JPH1: variants seen among roughly 807,000 people sequenced by gnomAD.
JPH1 encodes the protein junctophilin-1.
A neutral mutation model predicts 53.6 loss-of-function variants in JPH1; 12 were observed. The ratio of observed to expected loss-of-function variants is 0.22; its 90% CI spans 0.14 to 0.36. The LOEUF (loss-of-function observed/expected upper bound fraction) is 0.36, where lower values mean the gene tolerates loss of function less well. Ranked by LOEUF, JPH1 falls within the 10% of genes least tolerant of loss-of-function variation. The pLI, the probability that JPH1 is intolerant of heterozygous loss-of-function variation, is 1.00. For missense variants in JPH1, 808 were observed against 905.5 expected, an observed-to-expected ratio of 0.89 and a Z score of 1.38; for synonymous variants, 375 against 363.8, an observed-to-expected ratio of 1.03 and a Z score of -0.35.
chr8:74,283,571 C>G (rs1807074509), intron 2 of JPH1, among the ~76,000 whole-genome samples: 1 of 152,154 alleles, frequency 6.6e-6, no homozygotes, highest in Non-Finnish European at 1.5e-5. Flanking sequence ...TACAGGTAGG[C>G]AGAGGATGAA....
At chr8:74,275,002 C>T (rs1432480163) in intron 2 of JPH1, among the ~76,000 whole-genome samples, 1 of 152,116 alleles carries the variant, frequency 6.6e-6, no homozygotes, top group African/African-American at 2.4e-5. Context: ...CCTGCCTGGG[C>T]TATGAGAATT....
intron 4 of JPH1, among the ~76,000 whole-genome samples, chr8:74,239,876 C>A (rs1002274637): frequency 2.0e-5 from 3 of 152,118 alleles, no homozygotes; most frequent in African/African-American, 7.2e-5. Context: ...TATTTTGATA[C>A]CAGCATAGAA....
intron 2 of JPH1, among the ~76,000 whole-genome samples, chr8:74,289,512 GC>G (rs1807261263): frequency 6.6e-6 from 1 of 152,104 alleles, no homozygotes. Context: ...TGCTGCTGGT[GC>G]CCCCAGCACC....
chr8:74,315,639 A>C lies in JPH1; in HGVS notation c.380-19T>G. 1.3e-6 allele frequency: 2 copies of C among 1,574,604 alleles called. No individual in the cohort carries two copies. The highest frequency in any genetic ancestry group is 4.5e-5 in the East Asian group (2 of 44,304). Reference sequence around the variant, plus strand: ...TAGGTACCTTGGAGAGACCGCAAGAAAGCACCGTGAGTCGGGGGCAGAGCT... The same window carrying C: ...TAGGTACCTTGGAGAGACCGCAAGACAGCACCGTGAGTCGGGGGCAGAGCT... On this transcript the variant is annotated intron_variant, in intron 1 of 5. Coordinates refer to ENST00000342232, the MANE Select transcript of JPH1 (RefSeq NM_020647.4). The surrounding 1 kb of genome is among the most constrained non-coding windows in gnomAD (Gnocchi z 6.3).
intron 3 of JPH1, among the ~76,000 whole-genome samples, chr8:74,246,202 T>G (rs1805856735): frequency 6.6e-6 from 1 of 152,192 alleles, no homozygotes; most frequent in Admixed American, 6.5e-5. Context: ...TCCTCACAAA[T>G]GGGCAGAAGC....
At chr8:74,285,843 A>G (rs901412933) in intron 2 of JPH1, among the ~76,000 whole-genome samples, 4 of 152,226 alleles carry the variant, frequency 2.6e-5, no homozygotes, top group African/African-American at 7.2e-5. Context: ...AGGATAAAAC[A>G]TATTTCTATA....
intron 2 of JPH1, among the ~76,000 whole-genome samples, chr8:74,293,430 G>A (rs1807399366): frequency 6.6e-6 from 1 of 152,130 alleles, no homozygotes; most frequent in African/African-American, 2.4e-5. Flanking sequence ...CTGTGAGGAG[G>A]TGCCACTAAC....
At chr8:74,256,220 T>C (rs912051627) in intron 3 of JPH1, among the ~76,000 whole-genome samples, 2 of 152,058 alleles carry the variant, frequency 1.3e-5, no homozygotes, top group Non-Finnish European at 2.9e-5. Flanking sequence ...CCATAAAAAA[T>C]GATGAGTTCA....
chr8:74,251,811 G>GA (rs1183991783), intron 3 of JPH1, among the ~76,000 whole-genome samples: 2 of 151,930 alleles, frequency 1.3e-5, no homozygotes, highest in Non-Finnish European at 2.9e-5. Flanking sequence ...CACAGAATTG[G>GA]AAAAAACTAC....
chr8:74,270,460 A>G (rs1258110224), intron 2 of JPH1, among the ~76,000 whole-genome samples: 1 of 152,238 alleles, frequency 6.6e-6, no homozygotes, highest in Admixed American at 6.5e-5. Flanking sequence ...AACAGATAAA[A>G]TGATAGCTTA....
intron 1 of JPH1, among the ~76,000 whole-genome samples, chr8:74,316,353 T>C (rs992210122): frequency 6.6e-6 from 1 of 152,230 alleles, no homozygotes; most frequent in African/African-American, 2.4e-5. Flanking sequence ...CTTTGTGCCG[T>C]ATCATTTGCC....
intron 1 of JPH1, among the ~76,000 whole-genome samples, chr8:74,317,201 A>G (rs1329153258): frequency 2.6e-5 from 4 of 152,270 alleles, no homozygotes; most frequent in African/African-American, 4.8e-5. Context: ...ATGACTCCCA[A>G]GTCAACGGTT....
chr8:74,297,714 AAAATGCCTTTTCTAAGGC>A (rs1472487331), intron 2 of JPH1, among the ~76,000 whole-genome samples: 2 of 152,232 alleles, frequency 1.3e-5, no homozygotes, highest in Admixed American at 6.5e-5. Flanking sequence ...TAAAAACTGG[AAAATGCCTTTTCTAAGGC>A]AAAGAAAGTT....
chr8:74,313,474 AATATAAT>A (rs1200095885), intron 2 of JPH1, among the ~76,000 whole-genome samples: 1 of 151,664 alleles, frequency 6.6e-6, no homozygotes, highest in Non-Finnish European at 1.5e-5. Context: ...TTTAATATAT[AATATAAT>A]ATATATCTAA....
At position 74,321,351 on chromosome 8, in the gene JPH1, G is replaced by A. The variant is rs75484765; in HGVS notation, c.-64C>T. 5.6e-6 allele frequency: 8 copies of A among 1,424,920 alleles called. No individual in the cohort carries two copies. In the African/African-American group the frequency reaches 8.9e-5, roughly 16 times the overall value. The allele number at this position is 1,424,920 out of a possible 1,614,324, so 88.3% of individuals were successfully genotyped here. A position where few individuals can be genotyped will look rare whatever the true frequency, so the allele number is the denominator to read the frequency against. ...GACGCGGGCAGTGCTGGGCACGGCA[G>A]GGTGTAGCTCGGGGGTGGGGGCCCG... is the stretch of plus-strand genomic sequence containing the variant. On this transcript the variant is annotated 5_prime_UTR_variant, in exon 1 of 6. Coordinates refer to ENST00000342232, the MANE Select transcript of JPH1 (RefSeq NM_020647.4). This position sits in a 1 kb window ranked among gnomAD's most constrained non-coding sequence, Gnocchi z 4.3.
At chr8:74,268,562 T>A (rs1264124293) in intron 2 of JPH1, among the ~76,000 whole-genome samples, 1 of 152,088 alleles carries the variant, frequency 6.6e-6, no homozygotes. Flanking sequence ...AATGGATGCA[T>A]ATTCTATAAA....
At chr8:74,314,814 A>G in intron 2 of JPH1, 47 bp downstream of exon 2, 1 of 1,602,622 alleles carries the variant, frequency 6.2e-7, no homozygotes, top group Non-Finnish European at 8.5e-7. Flanking sequence ...TTGATACTCC[A>G]TTGTTCTGAC....
chr8:74,246,626 T>C (rs1002009235), intron 3 of JPH1, among the ~76,000 whole-genome samples: 5 of 152,150 alleles, frequency 3.3e-5, no homozygotes, highest in African/African-American at 1.2e-4. Context: ...TAGCTCCCAT[T>C]ATCTTTTCAG....
At chr8:74,289,303 T>C (rs188453267) in intron 2 of JPH1, among the ~76,000 whole-genome samples, 98 of 152,312 alleles carry the variant, frequency 6.4e-4, no homozygotes, top group Non-Finnish European at 9.7e-4. Flanking sequence ...TCCAACCCAC[T>C]GACACCACTA....
Sources: allele counts gnomAD v4.1 joint callset (sites outside exome capture counted in the v4.1 genomes callset), GRCh38; gene constraint gnomAD v4.1.1; non-coding constraint Gnocchi (gnomAD v3.1); transcripts MANE v1.5; gene names NCBI Gene and HGNC (gene_info 2026-07-23, HGNC 2026-07-21).